CERKL: variants seen among roughly 807,000 people sequenced by gnomAD.
CERKL encodes CERK like autophagy regulator, also known as ceramide kinase-like protein.
CERKL carries 61 observed loss-of-function variants against 63.4 expected under a neutral mutation model. The observed-to-expected ratio is 0.96, with a 90% CI of 0.78 to 1.19. CERKL has a LOEUF of 1.19. CERKL is among the 50% of genes most tolerant of loss of function. CERKL has a pLI of 0.00. For missense variants in CERKL, 675 were observed against 655.5 expected, an observed-to-expected ratio of 1.03 and a Z score of -0.33; for synonymous variants, 250 against 230.5, an observed-to-expected ratio of 1.08 and a Z score of -0.77.
intron 5 of CERKL, among the ~76,000 whole-genome samples, chr2:181,551,704 A>G (rs1687995631): frequency 6.6e-6 from 1 of 152,168 alleles, no homozygotes; most frequent in African/African-American, 2.4e-5. Context: ...TGTTGGTGTA[A>G]TGAGATATCT....
At chr2:181,651,397 T>G (rs1244391146) in intron 1 of CERKL, among the ~76,000 whole-genome samples, 1 of 152,208 alleles carries the variant, frequency 6.6e-6, no homozygotes, top group Non-Finnish European at 1.5e-5. Context: ...GTAAATGTGA[T>G]ACACATTAAC....
chr2:181,557,678 C>G (rs1415961829), intron 5 of CERKL, among the ~76,000 whole-genome samples: 2 of 152,260 alleles, frequency 1.3e-5, no homozygotes, highest in South Asian at 4.1e-4. Flanking sequence ...AGGTTGCCCC[C>G]TTGCTCTGAA....
intron 2 of CERKL, among the ~76,000 whole-genome samples, chr2:181,602,515 G>A (rs1025964504): frequency 6.6e-6 from 1 of 152,136 alleles, no homozygotes; most frequent in African/African-American, 2.4e-5. Flanking sequence ...AGCCTCTGTG[G>A]GTTCTTGTCT....
At position 181,536,878 on chromosome 2, in the gene CERKL, T is replaced by C. The variant is rs1212241879; in HGVS notation, c.*1306A>G. 1 of 452,502 alleles carries C rather than the reference T, an allele frequency of 2.2e-6. No individual in the cohort carries two copies. The highest frequency in any genetic ancestry group is 2.4e-5 in the Admixed American group (1 of 42,342). The allele number at this position is 452,502 out of a possible 1,614,324, so 28.0% of individuals were successfully genotyped here. A position where few individuals can be genotyped will look rare whatever the true frequency, so the allele number is the denominator to read the frequency against. On this transcript the variant is annotated 3_prime_UTR_variant, in exon 13 of 13. Coordinates refer to ENST00000410087, the MANE Select transcript of CERKL (RefSeq NM_201548.5). ...CTGTGGCCGAATTTTGAACATCTGT[T>C]ATAGGGAGTGATCAAATTAGAAGGC... is the stretch of plus-strand genomic sequence containing the variant.
At position 181,656,979 on chromosome 2, in the gene CERKL, C is replaced by T. The variant is rs1301865816; in HGVS notation, c.28G>A (p.Val10Met). Residue 10 changes from valine to methionine, a missense_variant, in exon 1 of 13, where the codon GTG (valine) becomes ATG (methionine). Val to Met is a conservative substitution (Grantham distance 21). Coordinates refer to ENST00000410087, the MANE Select transcript of CERKL (RefSeq NM_201548.5). ...TCCCGGCCGCCCTCCAGGGCACTCA[C>T]CCGGTTCCTGCGCCTCCTCCAGGGC... MPWRRRRNR[V>M]SALEGGREEE... 2 of 1,583,134 alleles carry T rather than the reference C, an allele frequency of 1.3e-6. No homozygotes were observed. Among genetic ancestry groups the T allele is most frequent in the Non-Finnish European group, 1.7e-6 (2 of 1,168,574 alleles).
chr2:181,576,700 A>G (rs1217563567), intron 2 of CERKL, among the ~76,000 whole-genome samples: 1 of 152,240 alleles, frequency 6.6e-6, no homozygotes, highest in Non-Finnish European at 1.5e-5. Context: ...GAACAGTTGC[A>G]ATACTCCAGG....
chr2:181,584,862 C>T (rs1684693570), intron 2 of CERKL, among the ~76,000 whole-genome samples: 1 of 151,038 alleles, frequency 6.6e-6, no homozygotes, highest in Non-Finnish European at 1.5e-5. Flanking sequence ...AAAGTAAAAA[C>T]TCATACAAAG....
chr2:181,539,050 T>C (rs1687355462), intron 12 of CERKL, 42 bp downstream of exon 12: 1 of 1,251,556 alleles, frequency 8.0e-7, no homozygotes, highest in Non-Finnish European at 1.1e-6. Context: ...ATTAGATTTA[T>C]GTTTACTGGT....
At chr2:181,630,670 A>G (rs1418426557) in intron 1 of CERKL, among the ~76,000 whole-genome samples, 1 of 152,086 alleles carries the variant, frequency 6.6e-6, no homozygotes, top group Non-Finnish European at 1.5e-5. Flanking sequence ...ACCAACCCCA[A>G]TGGCACCTTG....
At position 181,562,824 on chromosome 2, in the gene CERKL, TTTTC is replaced by T. The variant is rs534328818; in HGVS notation, c.677+3230_677+3233del. ...TGTTGTAGTTTTGATTCACAGTTTTTTTTCTTTCTGGAAAAGTTTGTTTTTGTTT... is the reference window on the plus strand; with the variant it reads ...TGTTGTAGTTTTGATTCACAGTTTTTTTTCTGGAAAAGTTTGTTTTTGTTT... On this transcript the variant is annotated intron_variant, in intron 4 of 12. Transcript: ENST00000410087. Among the ~76,000 whole-genome samples, 13 of 152,302 alleles carry T rather than the reference TTTTC, an allele frequency of 8.5e-5. No individual in the cohort carries two copies. In the East Asian group the frequency reaches 2.3e-3, roughly 27 times the overall value.
chr2:181,591,572 T>C (rs985948435), intron 2 of CERKL, among the ~76,000 whole-genome samples: 2 of 152,180 alleles, frequency 1.3e-5, no homozygotes, highest in East Asian at 1.9e-4. Flanking sequence ...AGCAAGTTTA[T>C]TTTTCTTAGT....
At chr2:181,572,059 T>G (rs1464502705) in intron 3 of CERKL, among the ~76,000 whole-genome samples, 2 of 152,068 alleles carry the variant, frequency 1.3e-5, no homozygotes, top group African/African-American at 4.8e-5. Context: ...TGGCACAAAC[T>G]CTCCAGATGT....
At chr2:181,581,310 A>G (rs1187606152) in intron 2 of CERKL, among the ~76,000 whole-genome samples, 2 of 152,226 alleles carry the variant, frequency 1.3e-5, no homozygotes, top group African/African-American at 4.8e-5. Flanking sequence ...ATGAAAAAAT[A>G]TTTTGAACAT....
intron 2 of CERKL, among the ~76,000 whole-genome samples, chr2:181,580,896 T>C (rs1684474608): frequency 6.6e-6 from 1 of 152,156 alleles, no homozygotes; most frequent in Admixed American, 6.5e-5. Context: ...GGTACTTTTT[T>C]AGAAGTACCA....
intron 2 of CERKL, among the ~76,000 whole-genome samples, chr2:181,595,426 G>A (rs578122270): frequency 1.9e-4 from 29 of 152,212 alleles, no homozygotes; most frequent in African/African-American, 6.7e-4. Flanking sequence ...ACACTAGAGC[G>A]GGACAACTTT....
At chr2:181,547,936 A>T (rs1323391530) in intron 8 of CERKL, 89 bp from the exon 9 acceptor site, 1 of 1,118,890 alleles carries the variant, frequency 8.9e-7, no homozygotes, top group Non-Finnish European at 1.3e-6. Context: ...ATATGAGAAA[A>T]TTAGAGAACT....
At chr2:181,607,185 G>A (rs1249917829) in intron 1 of CERKL, among the ~76,000 whole-genome samples, 4 of 152,192 alleles carry the variant, frequency 2.6e-5, no homozygotes, top group Non-Finnish European at 4.4e-5. Flanking sequence ...TTGGAGAGAA[G>A]GAGAGTGATA....
intron 1 of CERKL, among the ~76,000 whole-genome samples, chr2:181,654,653 T>A (rs1688080686): frequency 6.6e-6 from 1 of 152,210 alleles, no homozygotes; most frequent in South Asian, 2.1e-4. Context: ...TACAGTAACT[T>A]TGATGTAGCT....
chr2:181,547,185 A>G (rs1363974989), intron 10 of CERKL, among the ~76,000 whole-genome samples: 1 of 152,188 alleles, frequency 6.6e-6, no homozygotes, highest in Non-Finnish European at 1.5e-5. Flanking sequence ...AGTCTCGGGT[A>G]TGTCTTTATC....
Sources: allele counts gnomAD v4.1 joint callset (sites outside exome capture counted in the v4.1 genomes callset), GRCh38; gene constraint gnomAD v4.1.1; transcripts MANE v1.5; gene names NCBI Gene and HGNC (gene_info 2026-07-23, HGNC 2026-07-21).